The following MMP2 variants were observed in gnomAD, a reference collection of about 807,000 sequenced individuals.
MMP2 encodes 72 kDa type IV collagenase.
MMP2 carries 39 observed loss-of-function variants against 74.8 expected under a neutral mutation model. The observed-to-expected ratio is 0.52, with a 90% CI of 0.40 to 0.68. The LOEUF is 0.68. Ranked by LOEUF, MMP2 falls within the 30% of genes least tolerant of loss-of-function variation. The pLI, the probability that MMP2 is intolerant of heterozygous loss-of-function variation, is 0.00. For synonymous variants in MMP2, 367 were observed against 339.8 expected (o/e 1.08, Z -0.88); for missense variants, 803 against 878.3 (o/e 0.91, Z 1.08).
chr16:55,484,279 G>C, intron 3 of MMP2, 115 bp downstream of exon 3: 2 of 1,256,918 alleles, frequency 1.6e-6, no homozygotes, highest in Non-Finnish European at 2.2e-6. Flanking sequence ...TAGGACAGTA[G>C]ATGGTGTGGG....
intron 12 of MMP2, among the ~76,000 whole-genome samples, chr16:55,504,285 G>A (rs1266603135): frequency 2.0e-5 from 3 of 152,154 alleles, no homozygotes; most frequent in African/African-American, 7.2e-5. Flanking sequence ...AAGTTATTCA[G>A]ATTTAAAGAC....
intron 8 of MMP2, among the ~76,000 whole-genome samples, chr16:55,492,921 C>T (rs983093775): frequency 6.6e-6 from 1 of 152,130 alleles, no homozygotes; most frequent in Admixed American, 6.5e-5. Flanking sequence ...TACCCCACTC[C>T]CAGGGCTATA....
At chr16:55,486,347 C>CTGTG (rs57608135) in intron 5 of MMP2, among the ~76,000 whole-genome samples, 11,920 of 137,400 alleles carry the variant, frequency 0.087, 733 homozygotes, top group East Asian at 0.21. Context: ...GTGTGTGTGC[C>CTGTG]TGTGTGTGTG....
At chr16:55,500,483 G>C (rs939649028) in intron 11 of MMP2, among the ~76,000 whole-genome samples, 1 of 99,466 alleles carries the variant, frequency 1.0e-5, no homozygotes, top group Non-Finnish European at 2.0e-5. Flanking sequence ...GATTGTGTGC[G>C]CATGTGCGCA....
intron 7 of MMP2, among the ~76,000 whole-genome samples, chr16:55,490,603 C>T (rs559885486): frequency 6.6e-6 from 1 of 152,188 alleles, no homozygotes; most frequent in Non-Finnish European, 1.5e-5. Context: ...CCCTGATGGC[C>T]CATAATGGCC....
intron 8 of MMP2, 117 bp downstream of exon 8, chr16:55,492,073 G>A: frequency 9.9e-7 from 1 of 1,010,180 alleles, no homozygotes. Flanking sequence ...GAGTGCTGGA[G>A]ACGAGGGCAG....
At chr16:55,483,914 C>A in intron 2 of MMP2, 102 bp from the exon 3 acceptor site, 1 of 1,283,916 alleles carries the variant, frequency 7.8e-7, no homozygotes, top group Non-Finnish European at 1.1e-6. Flanking sequence ...CATACACACA[C>A]ACACTCAAAC....
chr16:55,501,223 C>T (rs1238028464), intron 11 of MMP2, among the ~76,000 whole-genome samples: 2 of 152,214 alleles, frequency 1.3e-5, no homozygotes, highest in African/African-American at 4.8e-5. Context: ...ACACAAATAT[C>T]TGTGTTCTTA....
intron 4 of MMP2, 60 bp from the exon 5 acceptor site, chr16:55,485,544 T>C: frequency 6.2e-7 from 1 of 1,612,130 alleles, no homozygotes; most frequent in Non-Finnish European, 8.5e-7. Context: ...TGAGTCAGAA[T>C]CTTGGTCTCC....
Position 55,485,692 on chromosome 16 carries a change from T to A in MMP2, c.747T>A (p.Asp249Glu), listed in dbSNP as rs1895782031. ...GCAAGGAGTACAACAGCTGCACTGATACCGGCCGCAGCGATGGCTTCCTCT... is the reference window on the plus strand; with the variant it reads ...GCAAGGAGTACAACAGCTGCACTGAAACCGGCCGCAGCGATGGCTTCCTCT... The part of the protein sequence containing the change: ...FNGKEYNSCT[D>E]TGRSDGFLWC... Residue 249 changes from aspartate (D) to glutamate (E), a missense_variant, in exon 5 of 13, where the codon GAT (aspartate) becomes GAA (glutamate). Physicochemically the swap from Asp to Glu is conservative, Grantham distance 45. Coordinates refer to ENST00000219070, the MANE Select transcript of MMP2 (RefSeq NM_004530.6). 6.2e-7 allele frequency: 1 copy of A among 1,614,042 alleles called. No homozygotes were observed. The highest frequency in any genetic ancestry group is 8.5e-7 in the Non-Finnish European group (1 of 1,180,026).
intron 11 of MMP2, among the ~76,000 whole-genome samples, chr16:55,499,622 C>T (rs1962616543): frequency 6.6e-6 from 1 of 152,058 alleles, no homozygotes; most frequent in Non-Finnish European, 1.5e-5. Context: ...GAGAGGTAGC[C>T]CAAACCTCAG....
At chr16:55,481,798 C>T (rs1220698181) in intron 1 of MMP2, 55 of 729,660 alleles carry the variant, frequency 7.5e-5, no homozygotes, top group Non-Finnish European at 5.4e-5. Flanking sequence ...AGTGACTTCT[C>T]AGTTTCTTCA....
At chr16:55,481,855 T>A (rs1381061289) in intron 1 of MMP2, 2 of 765,366 alleles carry the variant, frequency 2.6e-6, no homozygotes, top group African/African-American at 3.4e-5. Flanking sequence ...AGAGAGGTAA[T>A]CTTAGGTGCT....
intron 6 of MMP2, 123 bp downstream of exon 6, chr16:55,488,839 G>A (rs1175673577): frequency 1.2e-5 from 12 of 1,020,286 alleles, no homozygotes; most frequent in African/African-American, 4.8e-5. Context: ...ACATCTGTGC[G>A]AATGACATCC....
rs200082849 is a variant in MMP2 at position 55,491,817 on chromosome 16, C to T, written c.1197C>T (p.Leu399=). The T allele has an allele frequency of 8.2e-5, 132 of 1,614,230 alleles. 1 individual carries two copies. The highest frequency in any genetic ancestry group is 1.3e-4 in the East Asian group (6 of 44,870). The stretch of plus-strand genomic sequence containing the variant: ...AACCCTCAGGGTACAGCCTGTTCCT[C>T]GTGGCAGCCCACGAGTTTGGCCACG... ...FCPDQGYSLF[L]VAAHEFGHAM... The change falls in exon 8 of 13, where the codon CTC becomes CTT. Residue 399 remains leucine, a synonymous_variant. Transcript: ENST00000219070.
chr16:55,496,814 C>T (rs1962537972), intron 9 of MMP2, 112 bp from the exon 10 acceptor site: 2 of 1,438,778 alleles, frequency 1.4e-6, no homozygotes, highest in Non-Finnish European at 1.9e-6. Flanking sequence ...GCCTCCCACT[C>T]CCATCATGGA....
At chr16:55,492,774 C>T (rs1229781122) in intron 8 of MMP2, among the ~76,000 whole-genome samples, 3 of 152,082 alleles carry the variant, frequency 2.0e-5, no homozygotes, top group Non-Finnish European at 2.9e-5. Context: ...ACTGTCAGTT[C>T]TGGACACACC....
rs566341261 is a variant in MMP2, at chr16:55,488,489, G to A, written c.833-54G>A. On this transcript the variant is annotated intron_variant, in intron 5 of 12. Coordinates refer to ENST00000219070, the MANE Select transcript of MMP2 (RefSeq NM_004530.6). ...GGCAGGTGGGCAGCCAGCCAGCCCT[G>A]TGCCCATGGAAGCATGTCTCATTCA... is the stretch of plus-strand genomic sequence containing the variant. 1.4e-5 allele frequency: 22 copies of A among 1,573,378 alleles called. No individual in the cohort carries two copies. The African/African-American group carries it at 2.7e-4, about 19-fold the overall frequency.
chr16:55,493,343 C>G, intron 9 of MMP2, 50 bp downstream of exon 9: 1 of 1,611,742 alleles, frequency 6.2e-7, no homozygotes, highest in Non-Finnish European at 8.5e-7. Flanking sequence ...GTCCTCTGCT[C>G]TTATACCATT....
Sources: gnomAD v4.1 joint callset for allele counts (sites outside exome capture counted in the v4.1 genomes callset) on GRCh38, gnomAD v4.1.1 for gene constraint, MANE v1.5 for transcripts, NCBI Gene and HGNC (gene_info 2026-07-23, HGNC 2026-07-21) for gene names.